BCAR3: variants seen among roughly 807,000 people sequenced by gnomAD.
BCAR3 encodes BCAR3 adaptor protein, NSP family member.
A neutral mutation model predicts 80.1 loss-of-function variants in BCAR3; 37 were observed. That is an observed-to-expected ratio of 0.46 (90% CI 0.36 to 0.61). The LOEUF is 0.61. Ranked by LOEUF, BCAR3 falls within the 20% of genes least tolerant of loss-of-function variation. The pLI is 0.00. For synonymous variants in BCAR3, 389 were observed against 418.9 expected (o/e 0.93, Z 0.87); for missense variants, 978 against 1,068.2 (o/e 0.92, Z 1.18).
chr1:93,607,655 T>C (rs191340500), intron 3 of BCAR3, among the ~76,000 whole-genome samples: 157 of 151,976 alleles, frequency 1.0e-3, no homozygotes, highest in African/African-American at 3.7e-3. Flanking sequence ...ACCACCTCTA[T>C]GGGCTCATCT....
intron 2 of BCAR3, among the ~76,000 whole-genome samples, chr1:93,806,734 T>C (rs1571141147): frequency 6.6e-6 from 1 of 152,176 alleles, no homozygotes; most frequent in African/African-American, 2.4e-5. Context: ...ATTTCTTAGG[T>C]CTTTCAATTT....
chr1:93,826,800 G>T (rs547858939), intron 2 of BCAR3, among the ~76,000 whole-genome samples: 1 of 152,240 alleles, frequency 6.6e-6, no homozygotes, highest in Non-Finnish European at 1.5e-5. Flanking sequence ...AGGGGTGTGT[G>T]TGTGTGTGCG....
intron 2 of BCAR3, among the ~76,000 whole-genome samples, chr1:93,780,816 A>G (rs1448806941): frequency 1.3e-5 from 2 of 152,234 alleles, no homozygotes; most frequent in African/African-American, 4.8e-5. Flanking sequence ...CCCCTTAACC[A>G]TTACTTGCTA....
chr1:93,678,257 T>C (rs1648585133), intron 1 of BCAR3, among the ~76,000 whole-genome samples: 1 of 152,118 alleles, frequency 6.6e-6, no homozygotes, highest in Admixed American at 6.5e-5. Flanking sequence ...AGCAATTGAG[T>C]CATAATTGTT....
At chr1:93,809,454 T>C (rs960607358) in intron 2 of BCAR3, among the ~76,000 whole-genome samples, 9 of 152,104 alleles carry the variant, frequency 5.9e-5, no homozygotes, top group African/African-American at 2.2e-4. Flanking sequence ...ATAAAGTCTT[T>C]GGTACTATTT....
At chr1:93,636,830 C>T (rs1162615554) in intron 3 of BCAR3, among the ~76,000 whole-genome samples, 1 of 152,092 alleles carries the variant, frequency 6.6e-6, no homozygotes, top group African/African-American at 2.4e-5. Context: ...AGCATGGTGG[C>T]TCATATCTGT....
chr1:93,607,602 A>G (rs1444629011), intron 3 of BCAR3, among the ~76,000 whole-genome samples: 1 of 150,866 alleles, frequency 6.6e-6, no homozygotes, highest in Non-Finnish European at 1.5e-5. Flanking sequence ...CTGGGTCCCC[A>G]CTGCCCTTAA....
Position 93,811,538 on chromosome 1 carries a change from T to G in BCAR3, c.-63+34029A>C, listed in dbSNP as rs113183095. Among the ~76,000 whole-genome samples the G allele has an allele frequency of 9.1e-4, 139 of 152,362 alleles. 3 individuals are homozygous for G. Among genetic ancestry groups the G allele is most frequent in the African/African-American group, 3.2e-3 (134 of 41,580 alleles). On this transcript the variant is annotated intron_variant, in intron 2 of 13. Transcript: ENST00000370244. The stretch of plus-strand genomic sequence containing the variant: ...TTTTAAGACTCTTCCCTTTCCTTTA[T>G]GCTTCTCTATTATGTAAAATAATCC...
chr1:93,796,690 T>C (rs1653285803), intron 2 of BCAR3, among the ~76,000 whole-genome samples: 2 of 152,200 alleles, frequency 1.3e-5, no homozygotes, highest in Admixed American at 6.5e-5. Flanking sequence ...CCAACACTTA[T>C]AGTCTTATTT....
chr1:93,606,704 G>C lies in BCAR3; in HGVS notation c.358-14311C>G, dbSNP rs557925550. Among the ~76,000 whole-genome samples, 5 of 152,220 alleles carry C rather than the reference G, an allele frequency of 3.3e-5. No homozygotes were observed. The East Asian group carries it at 9.7e-4, about 29-fold the overall frequency. On this transcript the variant is annotated intron_variant, in intron 3 of 11. Transcript: ENST00000260502. Reference sequence around the variant, plus strand: ...GCTTGGGAGTCCTCAGTATAGAGGGGTATTCTATCCCAACTTTCACCAAAC... The same window carrying C: ...GCTTGGGAGTCCTCAGTATAGAGGGCTATTCTATCCCAACTTTCACCAAAC...
At chr1:93,609,548 CCT>C (rs1674888975) in intron 3 of BCAR3, among the ~76,000 whole-genome samples, 3 of 152,196 alleles carry the variant, frequency 2.0e-5, no homozygotes, top group South Asian at 4.1e-4. Context: ...TCCTTTGTCC[CCT>C]GTCCACAAAA....
chr1:93,821,840 A>G (rs1654234395), intron 2 of BCAR3, among the ~76,000 whole-genome samples: 1 of 152,216 alleles, frequency 6.6e-6, no homozygotes, highest in Non-Finnish European at 1.5e-5. Context: ...ACAGAAGAAG[A>G]ATCAATTAGA....
intron 3 of BCAR3, among the ~76,000 whole-genome samples, chr1:93,696,922 G>A (rs1189204512): frequency 6.6e-6 from 1 of 152,224 alleles, no homozygotes; most frequent in African/African-American, 2.4e-5. Context: ...GCTGTGGAGA[G>A]AAAGTTTGAA....
chr1:93,602,404 C>G (rs1278413357), intron 3 of BCAR3: 1 of 152,196 alleles, frequency 6.6e-6, no homozygotes, highest in African/African-American at 2.4e-5. Flanking sequence ...TCTGGGAATC[C>G]CTGTGATGAC....
At chr1:93,624,062 T>C (rs569788855) in intron 3 of BCAR3, among the ~76,000 whole-genome samples, 2 of 152,250 alleles carry the variant, frequency 1.3e-5, no homozygotes, top group South Asian at 4.1e-4. Flanking sequence ...GGGAGAGGGA[T>C]TCATGTTGTT....
intron 3 of BCAR3, among the ~76,000 whole-genome samples, chr1:93,614,681 C>G (rs1405709435): frequency 6.6e-6 from 1 of 152,182 alleles, no homozygotes; most frequent in Non-Finnish European, 1.5e-5. Flanking sequence ...AGTCTGTCAG[C>G]AAACACCCTG....
chr1:93,588,824 T>C (rs890511394), intron 5 of BCAR3, among the ~76,000 whole-genome samples, 153 bp downstream of exon 5: 5 of 152,220 alleles, frequency 3.3e-5, no homozygotes, highest in African/African-American at 1.2e-4. Context: ...TGGGAGCTAA[T>C]TGTTCACTGC....
chr1:93,646,915 T>TA (rs1345781609), intron 2 of BCAR3, among the ~76,000 whole-genome samples: 2 of 152,180 alleles, frequency 1.3e-5, no homozygotes, highest in Non-Finnish European at 1.5e-5. Context: ...ATAGTCTAGG[T>TA]AAACTATTAC....
chr1:93,825,822 C>T (rs560374870), intron 2 of BCAR3, among the ~76,000 whole-genome samples: 1 of 152,298 alleles, frequency 6.6e-6, no homozygotes, highest in East Asian at 1.9e-4. Context: ...CTAACCTGGT[C>T]CCTCTAAATC....
Sources: allele counts gnomAD v4.1 joint callset (sites outside exome capture counted in the v4.1 genomes callset), GRCh38; gene constraint gnomAD v4.1.1; transcripts MANE v1.5; gene names NCBI Gene and HGNC (gene_info 2026-07-23, HGNC 2026-07-21).